Variants in PCDH15 observed in about 807,000 individuals in gnomAD.
PCDH15 encodes protocadherin related 15, also known as protocadherin-15.
Under a neutral mutation model 178.5 loss-of-function variants are expected in PCDH15, and 129 were observed. The ratio of observed to expected loss-of-function variants is 0.72; its 90% CI spans 0.63 to 0.84. PCDH15 has a LOEUF of 0.84. PCDH15 is among the 40% of genes least tolerant of loss of function. The pLI, the probability that PCDH15 is intolerant of heterozygous loss-of-function variation, is 0.00. For missense variants in PCDH15, 2,230 were observed against 2,099.9 expected, an observed-to-expected ratio of 1.06 and a Z score of -1.21; for synonymous variants, 800 against 732.0, an observed-to-expected ratio of 1.09 and a Z score of -1.50.
At chr10:55,312,626 T>C (rs555829828) in intron 1 of PCDH15, among the ~76,000 whole-genome samples, 2 of 152,222 alleles carry the variant, frequency 1.3e-5, no homozygotes, top group South Asian at 4.1e-4. Context: ...ATAGAGTTTT[T>C]TTTTTTTTTA....
At chr10:54,202,000 T>C (rs1016991029) in intron 10 of PCDH15, among the ~76,000 whole-genome samples, 1 of 152,146 alleles carries the variant, frequency 6.6e-6, no homozygotes, top group African/African-American at 2.4e-5. Context: ...ACGTATAATC[T>C]TCTAGAAGGT....
intron 2 of PCDH15, among the ~76,000 whole-genome samples, chr10:55,621,548 G>A (rs116528678): frequency 0.015 from 2,261 of 152,266 alleles, 17 homozygotes; most frequent in Middle Eastern, 0.048. Flanking sequence ...AACTCAGAGC[G>A]GCATTAGATT....
At chr10:54,446,395 A>C (rs2076143551) in intron 3 of PCDH15, among the ~76,000 whole-genome samples, 1 of 151,694 alleles carries the variant, frequency 6.6e-6, no homozygotes, top group African/African-American at 2.4e-5. Context: ...CAGTTCATAT[A>C]ATTTTTTTCC....
intron 2 of PCDH15, among the ~76,000 whole-genome samples, chr10:54,628,444 C>T (rs2093617134): frequency 6.6e-6 from 1 of 152,024 alleles, no homozygotes; most frequent in Non-Finnish European, 1.5e-5. Flanking sequence ...CCCTGTTTAC[C>T]ACAATTATTT....
intron 2 of PCDH15, among the ~76,000 whole-genome samples, chr10:54,623,826 T>C (rs549226671): frequency 6.6e-6 from 1 of 152,292 alleles, no homozygotes; most frequent in East Asian, 1.9e-4. Context: ...CTACTAGTTA[T>C]GTACTAATAA....
chr10:54,697,535 ACCTC>A (rs2095246935), intron 1 of PCDH15, among the ~76,000 whole-genome samples: 1 of 149,384 alleles, frequency 6.7e-6, no homozygotes, highest in Non-Finnish European at 1.5e-5. Context: ...ATATATATAT[ACCTC>A]TTTACATGCT....
upstream of PCDH15, among the ~76,000 whole-genome samples, chr10:54,804,988 CAAGAGAATTAA>C (rs1952757260): frequency 8.6e-6 from 1 of 116,300 alleles, no homozygotes; most frequent in Admixed American, 1.1e-4. Context: ...CTCTCACCAG[CAAGAGAATTAA>C]AATACTGTTT....
chr10:53,822,580 C>T (rs959725705), intron 32 of PCDH15: 5 of 1,613,828 alleles, frequency 3.1e-6, no homozygotes, highest in Non-Finnish European at 4.2e-6. Flanking sequence ...ATAGGTGTCT[C>T]TCTCCTAGAG....
chr10:55,304,438 C>T (rs1411845525), intron 1 of PCDH15, among the ~76,000 whole-genome samples: 1 of 152,112 alleles, frequency 6.6e-6, no homozygotes, highest in Non-Finnish European at 1.5e-5. Flanking sequence ...CATCTTTTCT[C>T]CACCTTTCAG....
intron 3 of PCDH15, among the ~76,000 whole-genome samples, chr10:54,500,189 A>G (rs906615262): frequency 3.3e-5 from 5 of 152,156 alleles, no homozygotes; most frequent in African/African-American, 9.6e-5. Flanking sequence ...GCAAATAACC[A>G]CAGAAACAGA....
intron 1 of PCDH15, among the ~76,000 whole-genome samples, chr10:55,220,708 A>T (rs1822763): frequency 0.42 from 63,565 of 151,886 alleles, 13,407 homozygotes; most frequent in South Asian, 0.48. Flanking sequence ...CTCTGGGGGC[A>T]TGATCATATA....
At chr10:55,382,141 G>C (rs988561131) in intron 2 of PCDH15, among the ~76,000 whole-genome samples, 5 of 152,080 alleles carry the variant, frequency 3.3e-5, no homozygotes, top group South Asian at 2.1e-4. Flanking sequence ...ATTCCTAATT[G>C]ATACTAGCCA....
intron 23 of PCDH15, among the ~76,000 whole-genome samples, chr10:53,944,532 T>C (rs2086363482): frequency 6.6e-6 from 1 of 152,216 alleles, no homozygotes; most frequent in Non-Finnish European, 1.5e-5. Context: ...AAAAAATGCA[T>C]CACTAGCTCT....
At chr10:54,123,841 T>C (rs1346085345) in intron 15 of PCDH15, among the ~76,000 whole-genome samples, 1 of 152,140 alleles carries the variant, frequency 6.6e-6, no homozygotes, top group African/African-American at 2.4e-5. Context: ...GGAAATTGTG[T>C]CCTTCTTAGC....
intron 2 of PCDH15, among the ~76,000 whole-genome samples, chr10:54,907,426 C>A (rs1174852542): frequency 6.6e-6 from 1 of 152,146 alleles, no homozygotes; most frequent in East Asian, 1.9e-4. Context: ...AGCATTTTTA[C>A]TGTTGACAAT....
chr10:54,135,248 C>T (rs2042810396), intron 14 of PCDH15, among the ~76,000 whole-genome samples: 1 of 151,212 alleles, frequency 6.6e-6, no homozygotes, highest in African/African-American at 2.4e-5. Flanking sequence ...TGATATTGTT[C>T]TAAAGTAATC....
intron 2 of PCDH15, among the ~76,000 whole-genome samples, chr10:55,410,367 C>T (rs1311950921): frequency 6.6e-6 from 1 of 151,920 alleles, no homozygotes; most frequent in Non-Finnish European, 1.5e-5. Flanking sequence ...AGTCTTCAGA[C>T]AGGTTTAGAA....
intron 2 of PCDH15, among the ~76,000 whole-genome samples, chr10:55,409,842 G>A (rs1459663929): frequency 1.3e-5 from 2 of 152,128 alleles, no homozygotes; most frequent in Non-Finnish European, 2.9e-5. Flanking sequence ...GGACTGGAAA[G>A]GAGGAACATA....
At chr10:54,483,320 G>A (rs2078855306) in intron 3 of PCDH15, among the ~76,000 whole-genome samples, 1 of 151,776 alleles carries the variant, frequency 6.6e-6, no homozygotes, top group South Asian at 2.1e-4. Context: ...ATTATGTTAT[G>A]AGCAAACAAC....
Sources: allele counts gnomAD v4.1 joint callset (sites outside exome capture counted in the v4.1 genomes callset), GRCh38; gene constraint gnomAD v4.1.1; transcripts MANE v1.5; gene names NCBI Gene and HGNC (gene_info 2026-07-23, HGNC 2026-07-21).